The following MYOM2 variants were observed in gnomAD, a reference collection of about 807,000 sequenced individuals.
MYOM2 encodes the protein myomesin-2.
In MYOM2, 254 loss-of-function variants were observed where a neutral mutation model predicts 187.6. The ratio of observed to expected loss-of-function variants is 1.35; its 90% CI spans 1.22 to 1.50. The LOEUF (loss-of-function observed/expected upper bound fraction) is 1.50. Among genes scored for constraint, MYOM2 ranks in the 40% most tolerant of loss-of-function variants. The pLI is 0.00. For synonymous variants in MYOM2, 981 were observed against 753.8 expected (o/e 1.30, Z -4.94); for missense variants, 2,796 against 1,924.0 (o/e 1.45, Z -8.48).
chr8:2,064,534 T>G (rs1818951957), intron 6 of MYOM2, among the ~76,000 whole-genome samples: 1 of 152,050 alleles, frequency 6.6e-6, no homozygotes, highest in South Asian at 2.1e-4. Context: ...CCCACGTGTT[T>G]TGCAGTCGCT....
At chr8:2,138,222 G>C (rs774341288) in intron 32 of MYOM2, among the ~76,000 whole-genome samples, 8 of 152,212 alleles carry the variant, frequency 5.3e-5, no homozygotes, top group Non-Finnish European at 7.4e-5. Flanking sequence ...GTAAGCGCCA[G>C]CCTGCAGCTT....
chr8:2,099,989 T>G (rs542290460), intron 19 of MYOM2, among the ~76,000 whole-genome samples: 2 of 128,756 alleles, frequency 1.6e-5, no homozygotes, highest in East Asian at 6.1e-4. Flanking sequence ...AATTCCTTCC[T>G]TCCTTCTTTC....
chr8:2,072,247 A>G (rs1200861208), intron 8 of MYOM2, 98 bp from the exon 9 acceptor site: 2 of 391,614 alleles, frequency 5.1e-6, no homozygotes, highest in Admixed American at 5.2e-5. Flanking sequence ...CCCCGCCCCC[A>G]AAAAAGAAAG....
At chr8:2,084,408 C>T (rs770731571) in intron 13 of MYOM2, among the ~76,000 whole-genome samples, 6 of 152,338 alleles carry the variant, frequency 3.9e-5, no homozygotes, top group African/African-American at 1.2e-4. Context: ...GAGGGAGCAA[C>T]TGGGTTTTGA....
At chr8:2,114,502 C>A (rs1305603588) in intron 25 of MYOM2, among the ~76,000 whole-genome samples, 1 of 152,130 alleles carries the variant, frequency 6.6e-6, no homozygotes, top group African/African-American at 2.4e-5. Context: ...GAGACAGAGT[C>A]TCACTCTGTT....
At chr8:2,116,647 C>G (rs1188552480) in intron 27 of MYOM2, among the ~76,000 whole-genome samples, 1 of 152,188 alleles carries the variant, frequency 6.6e-6, no homozygotes, top group Non-Finnish European at 1.5e-5. Flanking sequence ...AACTTTCTAA[C>G]TACAAACAAT....
intron 18 of MYOM2, chr8:2,097,974 CCTCAGCTCCCTGT>C (rs1796552482): frequency 1.8e-5 from 1 of 54,998 alleles, no homozygotes; most frequent in South Asian, 7.3e-4. Flanking sequence ...GGCACCCGCC[CCTCAGCTCCCTGT>C]CTTTGTGAGT....
rs1452939901 is a variant in MYOM2 at position 2,076,186 on chromosome 8, T to G, written c.1166T>G (p.Leu389Trp). 1 of 1,613,422 alleles carries G rather than the reference T, an allele frequency of 6.2e-7. No homozygotes were observed. Among genetic ancestry groups the G allele is most frequent in the South Asian group, 1.1e-5 (1 of 90,906 alleles). ...VTGAPGAPMD[L>W]QCHDANRDYV... ...GGGGCCCCCGGTGCACCCATGGACT[T>G]GCAGTGCCACGACGCCAACCGGGAC... Residue 389 changes from leucine (L) to tryptophan (W), a missense_variant, in exon 11 of 37, where the codon TTG (leucine) becomes TGG (tryptophan). Transcript: ENST00000262113.
In MYOM2 at chr8:2,126,370, A is replaced by G. The variant is rs987897243; in HGVS notation, c.3694+2153A>G. On this transcript the variant is annotated intron_variant, in intron 31 of 36. Coordinates refer to ENST00000262113, the MANE Select transcript of MYOM2 (RefSeq NM_003970.4). The stretch of plus-strand genomic sequence containing the variant: ...GTTGTCAACACACTCACACCCACAC[A>G]CTCACATCCCCACACTCACACAGCA... Among the ~76,000 whole-genome samples the G allele has an allele frequency of 3.9e-5, 5 of 127,974 alleles. No homozygotes were observed. In the South Asian group the frequency reaches 6.9e-4, roughly 18 times the overall value. The allele number at this position is 127,974 out of a possible 152,430, so 84.0% of individuals were successfully genotyped here. A position where few individuals can be genotyped will look rare whatever the true frequency, so the allele number is the denominator to read the frequency against.
rs780053323 is a variant in MYOM2 at position 2,144,776 on chromosome 8, C to T, written c.4193C>T (p.Ala1398Val). 7.4e-6 allele frequency: 12 copies of T among 1,614,058 alleles called. No individual in the cohort carries two copies. Among genetic ancestry groups the T allele is most frequent in the African/African-American group, 5.3e-5 (4 of 74,926 alleles). ...CACTTCTCGGTGAAGGTGGAGCAGG[C>T]CAAGTACGTCAGCATGACCATCAAA... The part of the protein sequence containing the change: ...SEHFSVKVEQ[A>V]KYVSMTIKGV... Residue 1398 changes from alanine to valine, a missense_variant, in exon 37 of 37, where the codon GCC (alanine) becomes GTC (valine). By Grantham distance (64) the Ala-to-Val change is moderately conservative. Coordinates refer to ENST00000262113, the MANE Select transcript of MYOM2 (RefSeq NM_003970.4).
At position 2,116,207 on chromosome 8, in the gene MYOM2, T is replaced by G. The variant is rs1329358699; in HGVS notation, c.3326-9T>G. ...GTTTCATATATATTTTTTTAAATATTGAATTTAGCATTCAAGACTGTGCTG... is the reference window on the plus strand; with the variant it reads ...GTTTCATATATATTTTTTTAAATATGGAATTTAGCATTCAAGACTGTGCTG... On this transcript the variant is annotated splice_polypyrimidine_tract_variant and intron_variant, in intron 26 of 36. Coordinates refer to ENST00000262113, the MANE Select transcript of MYOM2 (RefSeq NM_003970.4). 4 of 1,599,012 alleles carry G rather than the reference T, an allele frequency of 2.5e-6. No individual in the cohort carries two copies. In the South Asian group the frequency reaches 4.6e-5, roughly 18 times the overall value.
intron 22 of MYOM2, 24 bp downstream of exon 22, chr8:2,106,422 T>C (rs1265702913): frequency 6.2e-7 from 1 of 1,612,196 alleles, no homozygotes; most frequent in South Asian, 1.1e-5. Context: ...GGAAGTTGGA[T>C]ACTGGAAACT....
intron 25 of MYOM2, among the ~76,000 whole-genome samples, chr8:2,111,562 G>C (rs1263668280): frequency 6.6e-6 from 1 of 152,174 alleles, no homozygotes; most frequent in East Asian, 1.9e-4. Flanking sequence ...GCATTTATCT[G>C]ATCAACCTGA....
chr8:2,128,263 C>G lies in MYOM2; in HGVS notation c.3695-864C>G, dbSNP rs908907447. ...TAGAAGCACAATAACTATGTAAAAACTAAAAGTAATTTTAAGATTCATAAT... is the reference window on the plus strand; with the variant it reads ...TAGAAGCACAATAACTATGTAAAAAGTAAAAGTAATTTTAAGATTCATAAT... On this transcript the variant is annotated intron_variant, in intron 31 of 36. Transcript: ENST00000262113. Among the ~76,000 whole-genome samples the G allele has an allele frequency of 2.0e-5, 3 of 152,264 alleles. No homozygotes were observed. In the East Asian group the frequency reaches 5.8e-4, roughly 29 times the overall value.
chr8:2,066,448 TG>T (rs1819022599), intron 6 of MYOM2, among the ~76,000 whole-genome samples: 1 of 152,174 alleles, frequency 6.6e-6, no homozygotes, highest in Non-Finnish European at 1.5e-5. Context: ...TTATTGCTAG[TG>T]GGGGTGGGAT....
chr8:2,129,966 G>C (rs920037679), intron 32 of MYOM2, among the ~76,000 whole-genome samples: 1 of 152,196 alleles, frequency 6.6e-6, no homozygotes, highest in African/African-American at 2.4e-5. Flanking sequence ...AGGACAGACA[G>C]AGCAGGGACG....
In MYOM2 at chr8:2,090,036, G is replaced by C; in HGVS notation, c.1673G>C (p.Arg558Thr). 4 of 1,614,012 alleles carry C rather than the reference G, an allele frequency of 2.5e-6. No homozygotes were observed. Among genetic ancestry groups the C allele is most frequent in the South Asian group, 2.2e-5 (2 of 91,062 alleles). Reference protein sequence around the residue: ...KSVVGSGSWQRVNAQTAVRSP... With the variant: ...KSVVGSGSWQTVNAQTAVRSP... ...GTGGTGGGGAGCGGCAGCTGGCAGAGAGTCAACGCCCAGACGGCTGTGAGA... is the reference window on the plus strand; with the variant it reads ...GTGGTGGGGAGCGGCAGCTGGCAGACAGTCAACGCCCAGACGGCTGTGAGA... Residue 558 changes from arginine (R) to threonine (T), a missense_variant, in exon 15 of 37, where the codon AGA becomes ACA. By Grantham distance (71) the Arg-to-Thr change is moderately conservative. Transcript: ENST00000262113.
intron 16 of MYOM2, among the ~76,000 whole-genome samples, chr8:2,092,792 T>G (rs541278360): frequency 3.0e-4 from 46 of 152,268 alleles, no homozygotes; most frequent in Non-Finnish European, 6.6e-4. Flanking sequence ...AATTAGCACT[T>G]AGGCCTTTTC....
intron 6 of MYOM2, among the ~76,000 whole-genome samples, chr8:2,068,944 G>A (rs555921736): frequency 1.3e-5 from 2 of 152,266 alleles, no homozygotes; most frequent in East Asian, 3.9e-4. Flanking sequence ...ATGAAACCGC[G>A]CATTCCATAG....
Sources: allele counts gnomAD v4.1 joint callset (sites outside exome capture counted in the v4.1 genomes callset), GRCh38; gene constraint gnomAD v4.1.1; transcripts MANE v1.5; gene names NCBI Gene and HGNC (gene_info 2026-07-23, HGNC 2026-07-21).